IQGAP2: variants seen among roughly 807,000 people sequenced by gnomAD.
IQGAP2 encodes the protein IQ motif containing GTPase activating protein 2.
Under a neutral mutation model 201.3 loss-of-function variants are expected in IQGAP2, and 173 were observed. The observed-to-expected ratio is 0.86, with a 90% confidence interval of 0.76 to 0.98. The LOEUF (loss-of-function observed/expected upper bound fraction) is 0.98. Ranked by LOEUF, IQGAP2 falls within the 50% of genes least tolerant of loss-of-function variation. The pLI is 0.00. For synonymous variants in IQGAP2, 675 were observed against 673.9 expected (o/e 1.00, Z -0.03); for missense variants, 1,687 against 1,864.8 (o/e 0.90, Z 1.76).
At chr5:76,420,606 A>G (rs1488219495) in intron 1 of IQGAP2, among the ~76,000 whole-genome samples, 1 of 151,978 alleles carries the variant, frequency 6.6e-6, no homozygotes, top group East Asian at 1.9e-4. Flanking sequence ...CGAACTCTTG[A>G]CCTTGTGATC....
chr5:76,495,608 A>C (rs915716715), intron 2 of IQGAP2, among the ~76,000 whole-genome samples: 38 of 152,308 alleles, frequency 2.5e-4, no homozygotes, highest in Middle Eastern at 3.4e-3. Context: ...AGGCTGAGTA[A>C]TGTATAAAGA....
At chr5:76,551,092 G>A (rs1424974165) in intron 2 of IQGAP2, among the ~76,000 whole-genome samples, 2 of 150,132 alleles carry the variant, frequency 1.3e-5, no homozygotes, top group African/African-American at 4.9e-5. Context: ...TCCCAGACGG[G>A]GCGGCTGCGG....
chr5:76,619,654 C>T (rs1363094912), intron 13 of IQGAP2, among the ~76,000 whole-genome samples: 1 of 151,684 alleles, frequency 6.6e-6, no homozygotes, highest in Non-Finnish European at 1.5e-5. Flanking sequence ...GTAGCTGGGA[C>T]TACAAGCGCC....
At chr5:76,473,407 C>G (rs767758732) in intron 2 of IQGAP2, among the ~76,000 whole-genome samples, 16 of 151,550 alleles carry the variant, frequency 1.1e-4, no homozygotes, top group Non-Finnish European at 1.9e-4. Context: ...GTAGTTTGTT[C>G]TGGGAATAAT....
intron 2 of IQGAP2, among the ~76,000 whole-genome samples, chr5:76,465,694 T>C (rs1259906377): frequency 6.6e-6 from 1 of 152,176 alleles, no homozygotes; most frequent in Non-Finnish European, 1.5e-5. Flanking sequence ...TCCATCATGG[T>C]TGTAGGATAC....
intron 2 of IQGAP2, among the ~76,000 whole-genome samples, chr5:76,531,041 CA>C (rs1464932314): frequency 6.6e-6 from 1 of 152,158 alleles, no homozygotes; most frequent in East Asian, 1.9e-4. Context: ...GCTGCTATAA[CA>C]AAACACCCAA....
intron 2 of IQGAP2, among the ~76,000 whole-genome samples, chr5:76,535,928 G>GT (rs1363569583): frequency 1.3e-5 from 2 of 152,026 alleles, no homozygotes; most frequent in Non-Finnish European, 2.9e-5. Flanking sequence ...TAAGAGAATT[G>GT]TTTTTTGTTC....
At chr5:76,610,098 ATATATATATATATATATTTTTTTTTTTTT>A (rs1561506148) in intron 12 of IQGAP2, among the ~76,000 whole-genome samples, 1 of 13,886 alleles carries the variant, frequency 7.2e-5, no homozygotes, top group African/African-American at 2.2e-4. Flanking sequence ...ATATATATAT[ATATATATATATATATATTTTTTTTTTTTT>A]TTTTTTTTTT....
At chr5:76,568,039 A>G (rs904032896) in intron 3 of IQGAP2, among the ~76,000 whole-genome samples, 1 of 152,222 alleles carries the variant, frequency 6.6e-6, no homozygotes, top group Non-Finnish European at 1.5e-5. Context: ...AAAGATGATT[A>G]TAGTGGACTG....
At chr5:76,439,674 C>A (rs932191699) in intron 1 of IQGAP2, among the ~76,000 whole-genome samples, 1 of 151,996 alleles carries the variant, frequency 6.6e-6, no homozygotes, top group Non-Finnish European at 1.5e-5. Context: ...GCTACTCTTG[C>A]TCTCTTTTGG....
In IQGAP2 at chr5:76,658,386, G is replaced by A. The variant is rs569287067; in HGVS notation, c.2321-73G>A. 20 of 1,218,380 alleles carry A rather than the reference G, an allele frequency of 1.6e-5. No homozygotes were observed. The South Asian group carries it at 2.4e-4, about 15-fold the overall frequency. The allele number at this position is 1,218,380 out of a possible 1,614,324, so 75.5% of individuals were successfully genotyped here. A position where few individuals can be genotyped will look rare whatever the true frequency, so the allele number is the denominator to read the frequency against. On this transcript the variant is annotated intron_variant, in intron 20 of 35. Transcript: ENST00000274364. ...GTATATTTTTCTAGTAATTATTTAA[G>A]ACCTTGTTTCTTTCCTGTTGATAAT... is the stretch of plus-strand genomic sequence containing the variant.
intron 34 of IQGAP2, among the ~76,000 whole-genome samples, chr5:76,702,267 C>T (rs929806877): frequency 2.6e-5 from 4 of 152,172 alleles, no homozygotes; most frequent in Non-Finnish European, 5.9e-5. Context: ...TATGTCAGAA[C>T]TCTATGAGCT....
intron 1 of IQGAP2, among the ~76,000 whole-genome samples, chr5:76,404,233 C>T (rs1750674266): frequency 6.6e-6 from 1 of 152,160 alleles, no homozygotes; most frequent in African/African-American, 2.4e-5. Flanking sequence ...GGACGCGGCA[C>T]TAGGCTCCGG....
At chr5:76,406,516 A>G (rs895857187) in intron 1 of IQGAP2, among the ~76,000 whole-genome samples, 5 of 152,246 alleles carry the variant, frequency 3.3e-5, no homozygotes, top group Admixed American at 6.5e-5. Flanking sequence ...TGTACTATAT[A>G]TTGTATGTAT....
chr5:76,413,108 A>G (rs1751213927), intron 1 of IQGAP2, among the ~76,000 whole-genome samples: 1 of 147,034 alleles, frequency 6.8e-6, no homozygotes, highest in African/African-American at 2.5e-5. Context: ...CTTTAACAGA[A>G]TGTGGATTTA....
intron 2 of IQGAP2, among the ~76,000 whole-genome samples, chr5:76,471,718 A>G (rs936212278): frequency 5.9e-5 from 9 of 152,214 alleles, no homozygotes; most frequent in Admixed American, 3.3e-4. Flanking sequence ...TAAAAAAAAA[A>G]AGAGAATCTT....
At chr5:76,682,409 G>T (rs538629454) in intron 28 of IQGAP2, among the ~76,000 whole-genome samples, 2 of 151,516 alleles carry the variant, frequency 1.3e-5, no homozygotes, top group African/African-American at 4.9e-5. Context: ...CAGATGTGTC[G>T]CTGTTCATGT....
chr5:76,608,704 A>G (rs1232320750), intron 12 of IQGAP2, among the ~76,000 whole-genome samples: 1 of 152,220 alleles, frequency 6.6e-6, no homozygotes, highest in African/African-American at 2.4e-5. Flanking sequence ...TGCTGAATGC[A>G]TTTCCTCAGG....
intron 5 of IQGAP2, 111 bp downstream of exon 5, chr5:76,575,880 A>G (rs569939813): frequency 2.6e-4 from 138 of 523,980 alleles, no homozygotes; most frequent in Middle Eastern, 1.7e-3. Flanking sequence ...AGAACTTTTT[A>G]TTAAATTCCA....
Sources: allele counts gnomAD v4.1 joint callset (sites outside exome capture counted in the v4.1 genomes callset), GRCh38; gene constraint gnomAD v4.1.1; transcripts MANE v1.5; gene names NCBI Gene and HGNC (gene_info 2026-07-23, HGNC 2026-07-21).